The following CUL2 variants were observed in gnomAD, a reference collection of about 807,000 sequenced individuals.
The protein encoded by CUL2 is cullin-2.
Under a neutral mutation model 110.2 loss-of-function variants are expected in CUL2, and 22 were observed. The ratio of observed to expected loss-of-function variants is 0.20; its 90% confidence interval spans 0.14 to 0.28. The LOEUF is 0.28. Among genes scored for constraint, CUL2 ranks in the 10% least tolerant of loss-of-function variants. CUL2 has a pLI of 1.00. For missense variants in CUL2, 631 were observed against 905.5 expected (o/e 0.70, Z 3.89); for synonymous variants, 279 against 293.2 (o/e 0.95, Z 0.49).
chr10:35,046,005 A>G (rs1039566825), intron 6 of CUL2, among the ~76,000 whole-genome samples: 1 of 152,254 alleles, frequency 6.6e-6, no homozygotes, highest in African/African-American at 2.4e-5. Context: ...GAAGAAAAGC[A>G]TCAAGGAAAA....
Position 35,029,571 on chromosome 10 carries a change from G to A in CUL2, c.1456C>T (p.Leu486Phe). The A allele has an allele frequency of 6.3e-7, 1 of 1,595,190 alleles. No homozygotes were observed. Among genetic ancestry groups the A allele is most frequent in the African/African-American group, 1.4e-5 (1 of 73,666 alleles). Residue 486 changes from leucine to phenylalanine, a missense_variant, in exon 15 of 21, where the codon CTC becomes TTC. Physicochemically the swap from Leu to Phe is conservative, Grantham distance 22 (BLOSUM62 0). Coordinates refer to ENST00000374749, the MANE Select transcript of CUL2 (RefSeq NM_003591.4). ...ATAAAATTGTTGAACTTATTGTTGAGATCAGCGCTGACACTCATATCTGTA... is the reference window on the plus strand; with the variant it reads ...ATAAAATTGTTGAACTTATTGTTGAAATCAGCGCTGACACTCATATCTGTA... ...MYTDMSVSAD[L>F]NNKFNNFIKN... is the part of the protein sequence containing the mutation.
chr10:35,116,709 G>A (rs2135140105), intron 1 of CUL2, among the ~76,000 whole-genome samples: 1 of 152,318 alleles, frequency 6.6e-6, no homozygotes, highest in South Asian at 2.1e-4. Context: ...GCTCAAGCCT[G>A]TAATCCCAGC....
chr10:35,073,259 T>C (rs756901851), intron 1 of CUL2, among the ~76,000 whole-genome samples: 1 of 152,102 alleles, frequency 6.6e-6, no homozygotes, highest in East Asian at 1.9e-4. Flanking sequence ...CTCTGCAAAA[T>C]TGAGGGGAAG....
chr10:35,079,634 TTTTC>T (rs1473987326), intron 1 of CUL2: 1 of 154,020 alleles, frequency 6.5e-6, no homozygotes, highest in Non-Finnish European at 1.5e-5. Flanking sequence ...TCACAATTTC[TTTTC>T]TTTCATAATT....
rs1217273220 is a variant in CUL2, at chr10:35,033,230, T to C, written c.1046A>G (p.Lys349Arg). ...FVESVLEVHG[K>R]FVQLINTVLN... ...AACAGTGTTGATAAGCTGAACAAATTTACCATGCACTTCCAAAACTGACTC... is the reference window on the plus strand; with the variant it reads ...AACAGTGTTGATAAGCTGAACAAATCTACCATGCACTTCCAAAACTGACTC... Residue 349 changes from lysine to arginine, a missense_variant, in exon 11 of 21, where the codon AAA becomes AGA. Lys to Arg is a conservative substitution (Grantham distance 26, BLOSUM62 2). Coordinates refer to ENST00000374749, the MANE Select transcript of CUL2 (RefSeq NM_003591.4). 2.5e-6 allele frequency: 4 copies of C among 1,613,558 alleles called. No individual in the cohort carries two copies. The highest frequency in any genetic ancestry group is 3.4e-6 in the Non-Finnish European group (4 of 1,179,852).
Position 35,073,629 on chromosome 10 carries a change from G to A in CUL2, c.-22-2290C>T, listed in dbSNP as rs138479757. 4.7e-3 allele frequency among the ~76,000 whole-genome samples: 678 copies of A among 145,792 alleles called. 4 individuals are homozygous for A. Among genetic ancestry groups the A allele is most frequent in the Non-Finnish European group, 7.4e-3 (493 of 66,996 alleles). ...TTTTTCTTTTTTTTTTTGAGATGGA[G>A]TCTCGCTGTTGTCAGCCTGGGCTGG... On this transcript the variant is annotated intron_variant, in intron 1 of 20. Coordinates refer to ENST00000374749, the MANE Select transcript of CUL2 (RefSeq NM_003591.4).
intron 1 of CUL2, among the ~76,000 whole-genome samples, chr10:35,083,403 T>C (rs897780188): frequency 4.6e-5 from 7 of 152,178 alleles, no homozygotes; most frequent in Admixed American, 2.0e-4. Context: ...CTAGCTCTGT[T>C]CACTGAGAAG....
At chr10:35,062,226 C>T (rs967895667) in intron 3 of CUL2, among the ~76,000 whole-genome samples, 1 of 152,116 alleles carries the variant, frequency 6.6e-6, no homozygotes, top group Non-Finnish European at 1.5e-5. Flanking sequence ...CCTCTATGTA[C>T]AGCATACTAA....
At chr10:35,080,334 G>C (rs889098545) in intron 1 of CUL2, among the ~76,000 whole-genome samples, 3 of 151,990 alleles carry the variant, frequency 2.0e-5, no homozygotes, top group Non-Finnish European at 4.4e-5. Flanking sequence ...GGAGGTTAAG[G>C]GTGCAATGTT....
intron 10 of CUL2, 151 bp downstream of exon 10, chr10:35,035,021 A>T (rs1372339939): frequency 1.7e-5 from 17 of 973,630 alleles, no homozygotes; most frequent in Middle Eastern, 3.3e-4. Flanking sequence ...GAGTCCAACA[A>T]ATTCTAGGTT....
chr10:35,012,752 T>C (rs1388724927), intron 19 of CUL2, among the ~76,000 whole-genome samples: 1 of 152,194 alleles, frequency 6.6e-6, no homozygotes, highest in African/African-American at 2.4e-5. Context: ...GGGAATTAAG[T>C]TTCTGGAGAG....
Position 35,033,202 on chromosome 10 carries a change from C to T in CUL2, c.1074G>A (p.Leu358=). ...CACTCATAAAATGCTGATCACCATTCAAAACAGTGTTGATAAGCTGAACAA... is the reference window on the plus strand; with the variant it reads ...CACTCATAAAATGCTGATCACCATTTAAAACAGTGTTGATAAGCTGAACAA... ...GKFVQLINTV[L]NGDQHFMSAL... The change falls in exon 11 of 21, where the codon TTG becomes TTA. Residue 358 remains leucine, a synonymous_variant. Coordinates refer to ENST00000374749, the MANE Select transcript of CUL2 (RefSeq NM_003591.4). The T allele has an allele frequency of 6.2e-7, 1 of 1,613,494 alleles. No homozygotes were observed. The highest frequency in any genetic ancestry group is 8.5e-7 in the Non-Finnish European group (1 of 1,179,724).
upstream of CUL2, among the ~76,000 whole-genome samples, chr10:35,094,204 C>G (rs956996800): frequency 2.6e-4 from 40 of 151,852 alleles, no homozygotes; most frequent in African/African-American, 9.2e-4. Flanking sequence ...TAGATATAAC[C>G]CACATGAACA....
In CUL2 at chr10:35,119,560, T is replaced by TTTTATTTA. The variant is rs10589195; in HGVS notation, c.-51+7037_-51+7044dup. Among the ~76,000 whole-genome samples, 1,023 of 140,732 alleles carry TTTTATTTA rather than the reference T, an allele frequency of 7.3e-3. 4 individuals carry two copies. Among genetic ancestry groups the TTTTATTTA allele is most frequent in the African/African-American group, 9.3e-3 (354 of 38,262 alleles). 92.3% of individuals were successfully genotyped at this position (140,732 alleles called of 152,430 possible). On this transcript the variant is annotated intron_variant, in intron 1 of 5. Transcript: ENST00000685421. ...ATTTTTAGGGAGGTTTTAAAATTAATTTTATTTATTTATTTATTTATTTAT... is the reference window on the plus strand; with the variant it reads ...ATTTTTAGGGAGGTTTTAAAATTAATTTTATTTATTTATTTATTTATTTATTTATTTAT...
rs1287719832 is a variant in CUL2 at position 35,044,693 on chromosome 10, C to T, written c.604-17G>A. 1.3e-6 allele frequency: 2 copies of T among 1,585,796 alleles called. No individual in the cohort carries two copies. Among genetic ancestry groups the T allele is most frequent in the Non-Finnish European group, 1.7e-6 (2 of 1,158,810 alleles). On this transcript the variant is annotated splice_polypyrimidine_tract_variant and intron_variant, in intron 7 of 20. Transcript: ENST00000374749. ...CTGATAAAACTGAATAAATCAATTACATCATATTAGAAGAAATTAGAACAA... is the reference window on the plus strand; with the variant it reads ...CTGATAAAACTGAATAAATCAATTATATCATATTAGAAGAAATTAGAACAA...
intron 1 of CUL2, among the ~76,000 whole-genome samples, chr10:35,115,754 G>T (rs1172661152): frequency 1.3e-5 from 2 of 151,580 alleles, no homozygotes; most frequent in African/African-American, 4.9e-5. Context: ...AAATTAGCTG[G>T]GTGTGGCACA....
In CUL2 at chr10:35,031,164, C is replaced by G; in HGVS notation, c.1386+136G>C. On this transcript the variant is annotated intron_variant, in intron 14 of 20. Coordinates refer to ENST00000374749, the MANE Select transcript of CUL2 (RefSeq NM_003591.4). The surrounding 1 kb of genome is among the most constrained non-coding windows in gnomAD (Gnocchi z 4.4). ...TCCTTTTAATACAGTATTTGTATAT[C>G]CCACTGTGTGACTACACAAATACAC... The G allele has an allele frequency of 1.0e-5, 6 of 573,042 alleles. No homozygotes were observed. In the South Asian group the frequency reaches 1.6e-4, roughly 15 times the overall value. 35.5% of individuals were successfully genotyped at this position (573,042 alleles called of 1,614,324 possible). A position where few individuals can be genotyped will look rare whatever the true frequency, so the allele number is the denominator to read the frequency against.
At chr10:35,109,446 A>G (rs1000820349) in intron 1 of CUL2, among the ~76,000 whole-genome samples, 1 of 152,242 alleles carries the variant, frequency 6.6e-6, no homozygotes, top group Non-Finnish European at 1.5e-5. Flanking sequence ...CAGTGAGCAG[A>G]GACAGATAAA....
intron 6 of CUL2, among the ~76,000 whole-genome samples, chr10:35,046,486 G>GTTTA (rs1173927304): frequency 6.6e-6 from 1 of 152,184 alleles, no homozygotes; most frequent in Non-Finnish European, 1.5e-5. Context: ...TAGGAGAAGA[G>GTTTA]TTTAATAAAG....
Sources: allele counts gnomAD v4.1 joint callset (sites outside exome capture counted in the v4.1 genomes callset), GRCh38; gene constraint gnomAD v4.1.1; non-coding constraint Gnocchi (gnomAD v3.1); transcripts MANE v1.5; gene names NCBI Gene and HGNC (gene_info 2026-07-23, HGNC 2026-07-21).